Variants in DZIP3 observed in about 807,000 individuals in gnomAD.
The protein encoded by DZIP3 is DAZ interacting zinc finger protein 3, also known as E3 ubiquitin-protein ligase DZIP3.
In DZIP3, 118 loss-of-function variants were observed where a neutral mutation model predicts 162.0. The observed-to-expected ratio is 0.73, with a 90% CI of 0.63 to 0.85. The LOEUF (loss-of-function observed/expected upper bound fraction) is 0.85, where lower values mean the gene tolerates loss of function less well. Ranked by LOEUF, DZIP3 falls within the 40% of genes least tolerant of loss-of-function variation. The probability of loss-of-function intolerance (pLI) is 0.00; values close to 1 mark genes in which losing one functional copy is unlikely to be tolerated. For synonymous variants in DZIP3, 438 were observed against 458.6 expected (o/e 0.96, Z 0.57); for missense variants, 1,331 against 1,407.0 (o/e 0.95, Z 0.86).
At chr3:108,627,347 A>G (rs1941633488) in intron 7 of DZIP3, among the ~76,000 whole-genome samples, 4 of 152,184 alleles carry the variant, frequency 2.6e-5, no homozygotes, top group East Asian at 1.9e-4. Context: ...ATAGAGGACA[A>G]CCACCACTGA....
chr3:108,614,344 C>T (rs1020032534), intron 4 of DZIP3, among the ~76,000 whole-genome samples: 2 of 152,164 alleles, frequency 1.3e-5, no homozygotes, highest in African/African-American at 4.8e-5. Flanking sequence ...GGAGTAGCTA[C>T]CTGGTTTGTC....
At chr3:108,658,739 G>A (rs1190515890) in intron 19 of DZIP3, among the ~76,000 whole-genome samples, 8 of 151,810 alleles carry the variant, frequency 5.3e-5, no homozygotes, top group South Asian at 2.1e-4. Flanking sequence ...TTGATAGACC[G>A]CTAGCAAGAC....
intron 5 of DZIP3, among the ~76,000 whole-genome samples, chr3:108,621,986 T>C (rs1300616765): frequency 2.0e-5 from 3 of 151,182 alleles, no homozygotes; most frequent in African/African-American, 4.9e-5. Flanking sequence ...TCACTTGAAC[T>C]CAGGAGTTCA....
chr3:108,626,442 T>C (rs1237301330), intron 7 of DZIP3, among the ~76,000 whole-genome samples: 1 of 152,224 alleles, frequency 6.6e-6, no homozygotes, highest in Non-Finnish European at 1.5e-5. Context: ...GGAATAGTTT[T>C]TAAAAGTATA....
At chr3:108,676,611 C>CAA (rs879880395) in intron 25 of DZIP3, among the ~76,000 whole-genome samples, 1 of 143,658 alleles carries the variant, frequency 7.0e-6, no homozygotes, top group Non-Finnish European at 1.5e-5. Context: ...ACACTATCAG[C>CAA]AAAAAAAAAA....
At chr3:108,634,225 G>A (rs565085483) in intron 9 of DZIP3, among the ~76,000 whole-genome samples, 1 of 152,066 alleles carries the variant, frequency 6.6e-6, no homozygotes, top group Non-Finnish European at 1.5e-5. Context: ...GTTCAGTATT[G>A]GTTTAGATGA....
intron 15 of DZIP3, among the ~76,000 whole-genome samples, chr3:108,647,031 A>G (rs1036467823): frequency 1.3e-5 from 2 of 152,142 alleles, no homozygotes; most frequent in Non-Finnish European, 2.9e-5. Flanking sequence ...ACAGAGCGAG[A>G]TTCAGTCTCA....
chr3:108,624,133 T>C (rs1402544024), intron 5 of DZIP3, among the ~76,000 whole-genome samples: 1 of 152,230 alleles, frequency 6.6e-6, no homozygotes, highest in East Asian at 1.9e-4. Context: ...ATGGGGTATT[T>C]GTTCAGTGTG....
intron 5 of DZIP3, among the ~76,000 whole-genome samples, chr3:108,623,612 G>T (rs978957858): frequency 1.3e-5 from 2 of 152,158 alleles, no homozygotes; most frequent in Non-Finnish European, 2.9e-5. Flanking sequence ...GAGTTGGAGG[G>T]GTGACATAAG....
intron 12 of DZIP3, among the ~76,000 whole-genome samples, chr3:108,637,832 T>C (rs979224801): frequency 1.3e-5 from 2 of 152,216 alleles, no homozygotes; most frequent in Non-Finnish European, 1.5e-5. Flanking sequence ...TAGTTTGTTA[T>C]GAAATACTTT....
chr3:108,621,513 G>A (rs1340761710), intron 5 of DZIP3, among the ~76,000 whole-genome samples: 1 of 152,176 alleles, frequency 6.6e-6, no homozygotes, highest in East Asian at 1.9e-4. Context: ...TTCAACAGAT[G>A]CTGAAAAAGT....
chr3:108,652,839 T>A (rs1037825971), intron 18 of DZIP3, among the ~76,000 whole-genome samples: 1 of 151,944 alleles, frequency 6.6e-6, no homozygotes, highest in African/African-American at 2.4e-5. Context: ...TTCAGTACAG[T>A]AATATGCTGT....
intron 2 of DZIP3, 30 bp from the exon 3 acceptor site, chr3:108,608,059 C>G (rs370170003): frequency 5.1e-6 from 8 of 1,562,076 alleles, no homozygotes; most frequent in Non-Finnish European, 7.0e-6. Context: ...AGAAGATGCT[C>G]TTAATATACC....
At position 108,674,154 on chromosome 3, in the gene DZIP3, T is replaced by C; in HGVS notation, c.2666T>C (p.Leu889Pro). Residue 889 changes from leucine (L) to proline (P), a missense_variant, in exon 24 of 33, where the codon CTT becomes CCT. Transcript: ENST00000361582. The stretch of plus-strand genomic sequence containing the variant: ...ACTGAAAAGGAATGTCTCAATCAGC[T>C]TGCCAGGGTGACTCACATGGCAGCA... ...EQTEKECLNQ[L>P]ARVTHMAASN... 6.2e-7 allele frequency: 1 copy of C among 1,612,364 alleles called. No homozygotes were observed. The highest frequency in any genetic ancestry group is 8.5e-7 in the Non-Finnish European group (1 of 1,178,908).
chr3:108,682,926 G>A (rs1944373173), intron 26 of DZIP3, among the ~76,000 whole-genome samples: 2 of 150,764 alleles, frequency 1.3e-5, no homozygotes, highest in Non-Finnish European at 2.9e-5. Flanking sequence ...TTAGGTAATA[G>A]TGGTTCTCAA....
rs1415980996 is a variant in DZIP3, at chr3:108,611,285, A to T, written c.214A>T (p.Ile72Phe). 1.2e-6 allele frequency: 2 copies of T among 1,612,024 alleles called. No homozygotes were observed. Among genetic ancestry groups the T allele is most frequent in the African/African-American group, 2.7e-5 (2 of 74,824 alleles). ...NTLPKGVVPH[I>F]KKFLQEDFSF... ...TCTACCAAAAGGTGTGGTTCCTCACATTAAGAAGTTCTTACAAGAAGATTT... is the reference window on the plus strand; with the variant it reads ...TCTACCAAAAGGTGTGGTTCCTCACTTTAAGAAGTTCTTACAAGAAGATTT... The change falls in exon 4 of 33, where the codon ATT becomes TTT. Residue 72 changes from isoleucine to phenylalanine, a missense_variant. Physicochemically the swap from Ile to Phe is conservative, Grantham distance 21. This residue lies in a region of DZIP3 where 1,278 missense variants were observed against 1,317.1 expected (regional missense o/e 0.97). Transcript: ENST00000361582.
rs950742213 is a variant in DZIP3 at position 108,636,728 on chromosome 3, C to G, written c.1011+20C>G. On this transcript the variant is annotated intron_variant, in intron 11 of 32. Transcript: ENST00000361582. ...ATTTTGGTGAGTATCTTGTTTTGTCCTTTTTTTTTTTTCTTGCTTTCCTTC... is the reference window on the plus strand; with the variant it reads ...ATTTTGGTGAGTATCTTGTTTTGTCGTTTTTTTTTTTTCTTGCTTTCCTTC... 1 of 932,572 alleles carries G rather than the reference C, an allele frequency of 1.1e-6. No individual in the cohort carries two copies. Among genetic ancestry groups the G allele is most frequent in the Non-Finnish European group, 1.5e-6 (1 of 651,468 alleles). 57.8% of individuals were successfully genotyped at this position (932,572 alleles called of 1,614,324 possible).
At chr3:108,643,771 T>A (rs1942500678) in intron 13 of DZIP3, among the ~76,000 whole-genome samples, 1 of 152,060 alleles carries the variant, frequency 6.6e-6, no homozygotes, top group African/African-American at 2.4e-5. Context: ...GCAGTGCTGA[T>A]TAGGATAAAG....
At chr3:108,636,161 A>C (rs551739524) in intron 10 of DZIP3, among the ~76,000 whole-genome samples, 14 of 152,082 alleles carry the variant, frequency 9.2e-5, no homozygotes, top group Non-Finnish European at 1.9e-4. Flanking sequence ...TTGTAGGGGC[A>C]ATTAATATTA....
Sources: gnomAD v4.1 joint callset for allele counts (sites outside exome capture counted in the v4.1 genomes callset) on GRCh38, gnomAD v4.1.1 for gene constraint, gnomAD v4.1.1 regional missense constraint, MANE v1.5 for transcripts, NCBI Gene and HGNC (gene_info 2026-07-23, HGNC 2026-07-21) for gene names.